The following EIF3A variants were observed in gnomAD, a reference collection of about 807,000 sequenced individuals.
The protein encoded by EIF3A is EIF3, p180 subunit.
In EIF3A, 21 loss-of-function variants were observed where a neutral mutation model predicts 186.6. The observed-to-expected ratio is 0.11, with a 90% confidence interval of 0.08 to 0.16. The LOEUF is 0.16. Among genes scored for constraint, EIF3A ranks in the 10% least tolerant of loss-of-function variants. The pLI is 1.00. For synonymous variants in EIF3A, 563 were observed against 584.3 expected, an observed-to-expected ratio of 0.96 and a Z score of 0.52; for missense variants, 1,306 against 1,796.3, an observed-to-expected ratio of 0.73 and a Z score of 4.93.
In EIF3A at chr10:119,069,753, T is replaced by G. The variant is rs1288749108; in HGVS notation, c.742-99A>C. 11 of 680,928 alleles carry G rather than the reference T, an allele frequency of 1.6e-5. 1 individual carries two copies. In the South Asian group the frequency reaches 1.7e-4, roughly 11 times the overall value. 42.2% of individuals were successfully genotyped at this position (680,928 alleles called of 1,614,324 possible). ...ACCTACAACACAGAAAACATAAAAA[T>G]AGCAAATAAAATACCTTTGTGTGGT... On this transcript the variant is annotated intron_variant, in intron 5 of 21. Coordinates refer to ENST00000369144, the MANE Select transcript of EIF3A (RefSeq NM_003750.4).
At chr10:119,062,402 G>T (rs1843902972) in intron 7 of EIF3A, among the ~76,000 whole-genome samples, 1 of 152,144 alleles carries the variant, frequency 6.6e-6, no homozygotes, top group South Asian at 2.1e-4. Context: ...TGAGATAATG[G>T]AATCACTCTG....
In EIF3A at chr10:119,053,911, G is replaced by A. The variant is rs149850514; in HGVS notation, c.2197-2590C>T. 3.6e-3 allele frequency among the ~76,000 whole-genome samples: 549 copies of A among 152,238 alleles called. 7 individuals are homozygous for A. The highest frequency in any genetic ancestry group is 0.031 in the East Asian group (158 of 5,162). ...GCTAGCTTCATACTTTTCTTCTGCA[G>A]CTTCCTTTATTGATTGATTGATTGA... On this transcript the variant is annotated intron_variant, in intron 14 of 21. Transcript: ENST00000369144.
In EIF3A at chr10:119,051,291, C is replaced by T. The variant is rs770141398; in HGVS notation, c.2227G>A (p.Ala743Thr). 1 of 1,605,956 alleles carries T rather than the reference C, an allele frequency of 6.2e-7. No individual in the cohort carries two copies. Among genetic ancestry groups the T allele is most frequent in the South Asian group, 1.1e-5 (1 of 89,432 alleles). The stretch of plus-strand genomic sequence containing the variant: ...GACATTCGATTCTTATGTTCAAGAG[C>T]CTTTTCACGTTCTAGCTGCATTGTA... ...ITTMQLEREK[A>T]LEHKNRMSRM... The change falls in exon 15 of 22, where the codon GCT becomes ACT. Residue 743 changes from alanine to threonine, a missense_variant. Physicochemically the swap from Ala to Thr is moderately conservative, Grantham distance 58 (BLOSUM62 0). Coordinates refer to ENST00000369144, the MANE Select transcript of EIF3A (RefSeq NM_003750.4).
intron 1 of EIF3A, 138 bp downstream of exon 1, chr10:119,080,490 G>A (rs981806384): frequency 1.1e-5 from 16 of 1,394,804 alleles, no homozygotes; most frequent in Non-Finnish European, 1.4e-5. Context: ...ACCACCGGCT[G>A]GGACAGCGGC....
At chr10:119,037,837 T>A (rs1848154087) in intron 20 of EIF3A, among the ~76,000 whole-genome samples, 1 of 151,178 alleles carries the variant, frequency 6.6e-6, no homozygotes. Flanking sequence ...CTGGTTCCAA[T>A]GCCCAACGGG....
Position 119,069,747 on chromosome 10 carries a change from T to C in EIF3A, c.742-93A>G, listed in dbSNP as rs1285494082. On this transcript the variant is annotated intron_variant, in intron 5 of 21. Coordinates refer to ENST00000369144, the MANE Select transcript of EIF3A (RefSeq NM_003750.4). ...TATGAAACCTACAACACAGAAAACATAAAAATAGCAAATAAAATACCTTTG... is the reference window on the plus strand; with the variant it reads ...TATGAAACCTACAACACAGAAAACACAAAAATAGCAAATAAAATACCTTTG... 1.3e-5 allele frequency: 9 copies of C among 697,938 alleles called. No homozygotes were observed. The East Asian group carries it at 2.3e-4, about 18-fold the overall frequency. The allele number at this position is 697,938 out of a possible 1,614,324, so 43.2% of individuals were successfully genotyped here.
chr10:119,079,130 T>C (rs186111974), intron 1 of EIF3A, among the ~76,000 whole-genome samples: 1 of 152,338 alleles, frequency 6.6e-6, no homozygotes, highest in Admixed American at 6.5e-5. Flanking sequence ...TTTCAATCTC[T>C]TCTTTCCGAT....
At chr10:119,075,711 C>T (rs377456775) in intron 1 of EIF3A, among the ~76,000 whole-genome samples, 71 of 65,228 alleles carry the variant, frequency 1.1e-3, no homozygotes, top group Non-Finnish European at 1.1e-3. Flanking sequence ...TGGAAAAAGA[C>T]TTTTTTTTTT....
Position 119,035,108 on chromosome 10 carries a change from A to G in EIF3A, c.*931T>C, listed in dbSNP as rs1848110536. 6.6e-6 allele frequency: 1 copy of G among 152,624 alleles called. No individual in the cohort carries two copies. Among genetic ancestry groups the G allele is most frequent in the African/African-American group, 2.4e-5 (1 of 41,440 alleles). 9.5% of individuals were successfully genotyped at this position (152,624 alleles called of 1,614,324 possible). The stretch of plus-strand genomic sequence containing the variant: ...AGCAGCAAGTTCTGTGTTGGCTTCA[A>G]TGAGACCAAATAGTTCATCTTTAAC... On this transcript the variant is annotated 3_prime_UTR_variant, in exon 22 of 22. Coordinates refer to ENST00000369144, the MANE Select transcript of EIF3A (RefSeq NM_003750.4).
chr10:119,080,616 TC>T lies in EIF3A; in HGVS notation c.49+11del, dbSNP rs1468697073. 5 of 1,581,190 alleles carry T rather than the reference TC, an allele frequency of 3.2e-6. No individual in the cohort carries two copies. Among genetic ancestry groups the T allele is most frequent in the Non-Finnish European group, 4.3e-6 (5 of 1,166,252 alleles). The stretch of plus-strand genomic sequence containing the variant: ...GCCGCCCCAGCCCGGCGCGCCCCGA[TC>T]AGCTACTCACCGTTGGCGCGTTTGA... On this transcript the variant is annotated intron_variant, in intron 1 of 21. Transcript: ENST00000369144.
At chr10:119,046,906 G>A (rs982606441) in intron 17 of EIF3A, among the ~76,000 whole-genome samples, 57 of 152,052 alleles carry the variant, frequency 3.7e-4, no homozygotes, top group Admixed American at 1.3e-3. Context: ...GCAGTGGGCC[G>A]AGATCTCGCC....
rs1183777138 is a variant in EIF3A at position 119,050,789 on chromosome 10, C to G, written c.2320-115G>C. 5 of 1,137,182 alleles carry G rather than the reference C, an allele frequency of 4.4e-6. No homozygotes were observed. In the African/African-American group the frequency reaches 7.8e-5, roughly 18 times the overall value. 70.4% of individuals were successfully genotyped at this position (1,137,182 alleles called of 1,614,324 possible). On this transcript the variant is annotated intron_variant, in intron 15 of 21. Coordinates refer to ENST00000369144, the MANE Select transcript of EIF3A (RefSeq NM_003750.4). ...TCAAGTGTATCAGAATCATCGAAAGCAACCTCTCAGCACAAAAACTCTAAC... is the reference window on the plus strand; with the variant it reads ...TCAAGTGTATCAGAATCATCGAAAGGAACCTCTCAGCACAAAAACTCTAAC...
chr10:119,041,880 A>G, intron 19 of EIF3A, 114 bp downstream of exon 19: 1 of 1,158,024 alleles, frequency 8.6e-7, no homozygotes. Flanking sequence ...ATACTGAAGG[A>G]AAGATGAAAG....
At chr10:119,041,092 T>A (rs1848202623) in intron 19 of EIF3A, among the ~76,000 whole-genome samples, 1 of 149,112 alleles carries the variant, frequency 6.7e-6, no homozygotes, top group African/African-American at 2.5e-5. Context: ...GCAGGAGAAT[T>A]GCTTGAACCT....
In EIF3A at chr10:119,050,512, C is replaced by T. The variant is rs549759948; in HGVS notation, c.2473+9G>A. The T allele has an allele frequency of 1.2e-6, 2 of 1,613,410 alleles. No individual in the cohort carries two copies. Among genetic ancestry groups the T allele is most frequent in the African/African-American group, 1.3e-5 (1 of 75,010 alleles). On this transcript the variant is annotated intron_variant, in intron 16 of 21. Coordinates refer to ENST00000369144, the MANE Select transcript of EIF3A (RefSeq NM_003750.4). Reference sequence around the variant, plus strand: ...TTAGCACCCCTCCAATCCTGTTTGACCTGTGTACCTTTTAGCATTTGTTCT... The same window carrying T: ...TTAGCACCCCTCCAATCCTGTTTGATCTGTGTACCTTTTAGCATTTGTTCT...
At chr10:119,064,222 G>A (rs1163401072) in intron 7 of EIF3A, among the ~76,000 whole-genome samples, 5 of 152,130 alleles carry the variant, frequency 3.3e-5, no homozygotes, top group African/African-American at 4.8e-5. Flanking sequence ...ATACTATTTA[G>A]TAACATCAAA....
intron 14 of EIF3A, among the ~76,000 whole-genome samples, chr10:119,054,109 C>T (rs1021949719): frequency 3.9e-5 from 6 of 151,952 alleles, no homozygotes; most frequent in Admixed American, 1.3e-4. Flanking sequence ...TTAGTAGAGA[C>T]GGGTTCTTGC....
At chr10:119,053,765 C>T (rs2031923620) in intron 14 of EIF3A, among the ~76,000 whole-genome samples, 1 of 152,150 alleles carries the variant, frequency 6.6e-6, no homozygotes, top group African/African-American at 2.4e-5. Context: ...CCACCTTCAT[C>T]AACTATCTCA....
intron 17 of EIF3A, among the ~76,000 whole-genome samples, chr10:119,048,671 CT>C (rs745492259): frequency 0.042 from 6,058 of 144,756 alleles, 155 homozygotes; most frequent in Non-Finnish European, 0.043. Context: ...ATTCACGATT[CT>C]TTTTTTTTTT....
Sources: gnomAD v4.1 joint callset for allele counts (sites outside exome capture counted in the v4.1 genomes callset) on GRCh38, gnomAD v4.1.1 for gene constraint, MANE v1.5 for transcripts, NCBI Gene and HGNC (gene_info 2026-07-23, HGNC 2026-07-21) for gene names.